RBM25: variants seen among roughly 807,000 people sequenced by gnomAD.
RBM25 encodes the protein RNA-binding protein 25.
A neutral mutation model predicts 120.7 loss-of-function variants in RBM25; 19 were observed. The ratio of observed to expected loss-of-function variants is 0.16; its 90% CI spans 0.11 to 0.23. The LOEUF is 0.23. Ranked by LOEUF, RBM25 falls within the 10% of genes least tolerant of loss-of-function variation. The pLI, the probability that RBM25 is intolerant of heterozygous loss-of-function variation, is 1.00. For missense variants in RBM25, 605 were observed against 1,041.5 expected (o/e 0.58, Z 5.77); for synonymous variants, 390 against 326.7 (o/e 1.19, Z -2.09).
chr14:73,090,370 G>T (rs2140442968), intron 6 of RBM25, among the ~76,000 whole-genome samples: 1 of 152,184 alleles, frequency 6.6e-6, no homozygotes, highest in South Asian at 2.1e-4. Flanking sequence ...ATATTTTTAG[G>T]ATGACATTCA....
intron 18 of RBM25, 143 bp downstream of exon 18, chr14:73,114,476 C>A: frequency 1.9e-6 from 1 of 524,858 alleles, no homozygotes; most frequent in Non-Finnish European, 3.2e-6. Flanking sequence ...CCTGCCTCAG[C>A]CTCCCAAAGT....
At chr14:73,067,563 C>T (rs1398891880) in intron 1 of RBM25, among the ~76,000 whole-genome samples, 1 of 150,636 alleles carries the variant, frequency 6.6e-6, no homozygotes, top group African/African-American at 2.4e-5. Flanking sequence ...TGCCACCACG[C>T]CTGGATAATT....
intron 1 of RBM25, among the ~76,000 whole-genome samples, chr14:73,069,277 G>C (rs1256499608): frequency 6.6e-6 from 1 of 152,182 alleles, no homozygotes; most frequent in Non-Finnish European, 1.5e-5. Context: ...GATGTGATTG[G>C]TTGTAGAAAA....
chr14:73,067,642 T>G (rs1227885820), intron 1 of RBM25, among the ~76,000 whole-genome samples: 1 of 150,094 alleles, frequency 6.7e-6, no homozygotes, highest in Non-Finnish European at 1.5e-5. Context: ...CTCGCTCTGT[T>G]GCCCAGGCTG....
intron 6 of RBM25, among the ~76,000 whole-genome samples, chr14:73,093,952 T>TTG (rs1555345315): frequency 4.1e-5 from 6 of 147,808 alleles, no homozygotes; most frequent in African/African-American, 1.5e-4. Context: ...GGTTTTGTTT[T>TTG]TTTTTTTTTT....
intron 13 of RBM25, among the ~76,000 whole-genome samples, chr14:73,108,744 GTAGCTTAAA>G (rs1158739791): frequency 2.0e-5 from 3 of 152,154 alleles, no homozygotes. Context: ...ATTGGAATTA[GTAGCTTAAA>G]TCTCAAGGGT....
intron 14 of RBM25, among the ~76,000 whole-genome samples, chr14:73,109,693 C>A (rs148192731): frequency 5.3e-5 from 8 of 151,770 alleles, no homozygotes; most frequent in African/African-American, 1.7e-4. Flanking sequence ...CTCGGGAGGC[C>A]GAGGCAGGAG....
At chr14:73,088,191 G>A in intron 6 of RBM25, 30 bp downstream of exon 6, 1 of 1,612,110 alleles carries the variant, frequency 6.2e-7, no homozygotes, top group Non-Finnish European at 8.5e-7. Context: ...ATCTTTTCTA[G>A]GCCAGACTGT....
intron 1 of RBM25, chr14:73,068,113 CACAG>C (rs1252883469): frequency 1.4e-6 from 1 of 731,618 alleles, no homozygotes; most frequent in Non-Finnish European, 2.3e-6. Flanking sequence ...TTACCTCGTT[CACAG>C]ACAGAACTGG....
chr14:73,114,032 T>G (rs1896372322), intron 17 of RBM25, among the ~76,000 whole-genome samples: 1 of 151,752 alleles, frequency 6.6e-6, no homozygotes, highest in Admixed American at 6.5e-5. Flanking sequence ...CTCTAACTTG[T>G]AATTATTGTG....
At position 73,103,358 on chromosome 14, in the gene RBM25, G is replaced by A. The variant is rs768381617; in HGVS notation, c.1034G>A (p.Arg345Gln). 6 of 1,606,342 alleles carry A rather than the reference G, an allele frequency of 3.7e-6. No individual in the cohort carries two copies. Among genetic ancestry groups the A allele is most frequent in the African/African-American group, 2.7e-5 (2 of 74,838 alleles). The change falls in exon 10 of 19, where the codon CGA becomes CAA. Residue 345 changes from arginine to glutamine, a missense_variant. Transcript: ENST00000261973. ...AAGGAGAAAGAACGGGAGCGGGAACGAGAACGGGATAGGGACCGTGACCGG... is the reference window on the plus strand; with the variant it reads ...AAGGAGAAAGAACGGGAGCGGGAACAAGAACGGGATAGGGACCGTGACCGG... ...REKEKERERE[R>Q]ERDRDRDRTK... is the part of the protein sequence containing the mutation.
chr14:73,116,310 C>G (rs1372172927), intron 18 of RBM25, among the ~76,000 whole-genome samples: 1 of 152,150 alleles, frequency 6.6e-6, no homozygotes, highest in Admixed American at 6.5e-5. Context: ...GAAAAATCAT[C>G]AAGCATGATA....
At chr14:73,076,828 A>C (rs1895432766) in intron 3 of RBM25, among the ~76,000 whole-genome samples, 1 of 152,200 alleles carries the variant, frequency 6.6e-6, no homozygotes, top group Non-Finnish European at 1.5e-5. Flanking sequence ...CTAAGGCATA[A>C]ATTTTAAATG....
chr14:73,077,242 T>C (rs1057100960), intron 3 of RBM25, 127 bp from the exon 4 acceptor site: 2 of 771,478 alleles, frequency 2.6e-6, no homozygotes, highest in Admixed American at 3.4e-5. Flanking sequence ...TTTAGAAGTA[T>C]ACAAGCATGC....
intron 3 of RBM25, among the ~76,000 whole-genome samples, chr14:73,076,766 T>C (rs1295261504): frequency 2.6e-5 from 4 of 152,210 alleles, no homozygotes; most frequent in African/African-American, 4.8e-5. Context: ...GAAATGAAAT[T>C]TGTGTGGACT....
intron 1 of RBM25, chr14:73,064,923 A>G (rs2140420672): frequency 6.6e-6 from 1 of 151,086 alleles, no homozygotes; most frequent in South Asian, 2.1e-4. Context: ...ACCATAAAAT[A>G]TAACTTAAAT....
chr14:73,080,000 C>T (rs1331987862), intron 4 of RBM25, among the ~76,000 whole-genome samples: 1 of 150,078 alleles, frequency 6.7e-6, no homozygotes, highest in Non-Finnish European at 1.5e-5. Context: ...GTGTTTGCTC[C>T]TGTCTGCTTC....
intron 10 of RBM25, among the ~76,000 whole-genome samples, chr14:73,103,926 TCTCTCTCTCTCTCTCTCTCTCTCACA>T (rs1566597267): frequency 1.4e-4 from 9 of 63,106 alleles, no homozygotes; most frequent in African/African-American, 7.3e-4. Context: ...TCTCTCTCTC[TCTCTCTCTCTCTCTCTCTCTCTCACA>T]CACACACACA....
At chr14:73,103,988 A>T (rs1226604334) in intron 10 of RBM25, among the ~76,000 whole-genome samples, 3,094 of 118,120 alleles carry the variant, frequency 0.026, 113 homozygotes, top group African/African-American at 0.077. Context: ...ACACACACAC[A>T]CACACACTCT....
Sources: allele counts gnomAD v4.1 joint callset (sites outside exome capture counted in the v4.1 genomes callset), GRCh38; gene constraint gnomAD v4.1.1; transcripts MANE v1.5; gene names NCBI Gene and HGNC (gene_info 2026-07-23, HGNC 2026-07-21).